RHOT1: variants seen among roughly 807,000 people sequenced by gnomAD.
RHOT1 encodes ras homolog family member T1.
Under a neutral mutation model 95.3 loss-of-function variants are expected in RHOT1, and 27 were observed. The ratio of observed to expected loss-of-function variants is 0.28; its 90% CI spans 0.21 to 0.39. RHOT1 has a LOEUF of 0.39. RHOT1 is among the 10% of genes least tolerant of loss of function. RHOT1 has a pLI of 1.00. For missense variants in RHOT1, 578 were observed against 786.7 expected, an observed-to-expected ratio of 0.73 and a Z score of 3.17; for synonymous variants, 227 against 263.5, an observed-to-expected ratio of 0.86 and a Z score of 1.34.
chr17:32,179,464 A>G (rs1396116672), intron 6 of RHOT1: 1 of 116,468 alleles, frequency 8.6e-6, no homozygotes, highest in East Asian at 3.0e-4. Context: ...CTGGGATGTG[A>G]GGAGCACCTC....
At chr17:32,207,488 T>TGAA (rs1419496743) in intron 17 of RHOT1, 1 of 155,184 alleles carries the variant, frequency 6.4e-6, no homozygotes, top group Non-Finnish European at 1.4e-5. Flanking sequence ...ACAAAGGTGT[T>TGAA]TATTCTAGCA....
chr17:32,192,335 T>A, intron 9 of RHOT1, 36 bp downstream of exon 9: 32 of 429,704 alleles, frequency 7.4e-5, no homozygotes, highest in Non-Finnish European at 1.1e-4. Context: ...TGCGTATCTT[T>A]TTTTTTTTTT....
intron 1 of RHOT1, among the ~76,000 whole-genome samples, chr17:32,151,881 C>CAA (rs60313146): frequency 0.056 from 3,391 of 60,576 alleles, 240 homozygotes; most frequent in African/African-American, 0.16. Flanking sequence ...GACTCCGTCT[C>CAA]AAAAAAAAAA....
intron 16 of RHOT1, among the ~76,000 whole-genome samples, chr17:32,206,556 A>G (rs1179585144): frequency 3.6e-5 from 5 of 140,024 alleles, no homozygotes; most frequent in African/African-American, 5.5e-5. Flanking sequence ...GGTTCATGCC[A>G]TTCTCCTGCC....
intron 13 of RHOT1, 69 bp downstream of exon 13, chr17:32,199,619 T>C: frequency 7.4e-7 from 1 of 1,350,922 alleles, no homozygotes; most frequent in Non-Finnish European, 1.0e-6. Flanking sequence ...ATTACATTTG[T>C]CACTTTGTAA....
chr17:32,183,758 G>T (rs935073465), intron 8 of RHOT1, among the ~76,000 whole-genome samples: 2 of 152,124 alleles, frequency 1.3e-5, no homozygotes, highest in Non-Finnish European at 2.9e-5. Flanking sequence ...GATCTCGGCT[G>T]ACTGCAACCT....
chr17:32,202,695 C>A, intron 14 of RHOT1, 75 bp from the exon 15 acceptor site: 1 of 1,127,704 alleles, frequency 8.9e-7, no homozygotes. Flanking sequence ...CCCTATTTTG[C>A]AAAAGGTGGA....
At chr17:32,161,074 A>G (rs532283077) in intron 1 of RHOT1, among the ~76,000 whole-genome samples, 4 of 152,330 alleles carry the variant, frequency 2.6e-5, no homozygotes, top group African/African-American at 9.6e-5. Context: ...CACTGAGACC[A>G]CAGTATTGTA....
chr17:32,148,752 G>A (rs1161176843), intron 1 of RHOT1, among the ~76,000 whole-genome samples: 1 of 152,186 alleles, frequency 6.6e-6, no homozygotes, highest in Non-Finnish European at 1.5e-5. Flanking sequence ...AGTTCTCTTT[G>A]CCACTTGAAG....
intron 6 of RHOT1, among the ~76,000 whole-genome samples, chr17:32,180,697 CAAAAAAAAA>C (rs34530711): frequency 1.3e-5 from 1 of 77,750 alleles, no homozygotes; most frequent in Non-Finnish European, 3.0e-5. Context: ...TGTTTTAAGC[CAAAAAAAAA>C]AAAAAAAAAA....
intron 8 of RHOT1, among the ~76,000 whole-genome samples, chr17:32,187,180 G>A (rs112048444): frequency 9.7e-4 from 147 of 152,146 alleles, no homozygotes; most frequent in African/African-American, 3.0e-3. Flanking sequence ...CCAGCTACTC[G>A]GGAGGCTGAG....
intron 1 of RHOT1, among the ~76,000 whole-genome samples, chr17:32,147,778 C>T (rs1180412792): frequency 6.7e-6 from 1 of 149,962 alleles, no homozygotes; most frequent in African/African-American, 2.5e-5. Context: ...GGAGATTGCG[C>T]ACTGCACTCC....
intron 15 of RHOT1, among the ~76,000 whole-genome samples, chr17:32,203,308 C>A (rs1369536371): frequency 7.8e-5 from 9 of 116,096 alleles, no homozygotes; most frequent in Non-Finnish European, 3.3e-5. Flanking sequence ...CGAGGCATTG[C>A]TCTGTTGCCC....
At chr17:32,183,070 GT>G (rs1023432828) in intron 7 of RHOT1, 100 bp from the exon 8 acceptor site, 15 of 1,039,674 alleles carry the variant, frequency 1.4e-5, no homozygotes, top group Admixed American at 7.2e-5. Context: ...TGCATTTTTC[GT>G]TTTTTTTCAA....
chr17:32,171,840 C>T (rs1300546147), intron 2 of RHOT1, among the ~76,000 whole-genome samples: 3 of 152,148 alleles, frequency 2.0e-5, no homozygotes, highest in Non-Finnish European at 2.9e-5. Flanking sequence ...CCACCTTTGC[C>T]TACCTCAAAG....
intron 1 of RHOT1, among the ~76,000 whole-genome samples, chr17:32,150,221 T>G (rs1209483692): frequency 6.6e-6 from 1 of 152,200 alleles, no homozygotes; most frequent in Non-Finnish European, 1.5e-5. Context: ...TCTGATCCTT[T>G]ATTAAAGTAG....
At chr17:32,145,306 T>A (rs186978585) in intron 1 of RHOT1, among the ~76,000 whole-genome samples, 1,746 of 151,162 alleles carry the variant, frequency 0.012, 27 homozygotes, top group African/African-American at 0.041. Flanking sequence ...TCTCAAAAAA[T>A]ATATATATAT....
chr17:32,145,889 A>G (rs2031247937), intron 1 of RHOT1, among the ~76,000 whole-genome samples: 3 of 152,196 alleles, frequency 2.0e-5, no homozygotes, highest in Non-Finnish European at 4.4e-5. Context: ...AGTGGCGTGC[A>G]CCTGCAGTTC....
At chr17:32,208,848 T>G (rs2142897069) in intron 18 of RHOT1, 1 of 156,120 alleles carries the variant, frequency 6.4e-6, no homozygotes, top group East Asian at 1.9e-4. Flanking sequence ...AGCCACAAAT[T>G]TCATGTACAT....
Sources: allele counts gnomAD v4.1 joint callset (sites outside exome capture counted in the v4.1 genomes callset), GRCh38; gene constraint gnomAD v4.1.1; transcripts MANE v1.5; gene names NCBI Gene and HGNC (gene_info 2026-07-23, HGNC 2026-07-21).